TICRR: variants seen among roughly 807,000 people sequenced by gnomAD.
TICRR encodes the protein treslin.
A neutral mutation model predicts 178.1 loss-of-function variants in TICRR; 132 were observed. That is an observed-to-expected ratio of 0.74 (90% CI 0.64 to 0.86). The LOEUF (loss-of-function observed/expected upper bound fraction) is 0.86. Among genes scored for constraint, TICRR ranks in the 40% least tolerant of loss-of-function variants. The pLI is 0.00. For missense variants in TICRR, 2,587 were observed against 2,334.3 expected (o/e 1.11, Z -2.23); for synonymous variants, 991 against 900.7 (o/e 1.10, Z -1.79).
intron 3 of TICRR, 75 bp from the exon 4 acceptor site, chr15:89,585,633 G>T: frequency 9.9e-7 from 1 of 1,006,126 alleles, no homozygotes; most frequent in Non-Finnish European, 1.5e-6. Flanking sequence ...TGGTTATTCT[G>T]TCTTTTAGTA....
chr15:89,589,207 TG>T (rs1158021656), intron 4 of TICRR, among the ~76,000 whole-genome samples: 2 of 151,982 alleles, frequency 1.3e-5, no homozygotes, highest in East Asian at 3.9e-4. Context: ...TGGAGTGACC[TG>T]GGGGTCTAGG....
At chr15:89,591,151 G>A (rs1400786989) in intron 4 of TICRR, among the ~76,000 whole-genome samples, 2 of 152,194 alleles carry the variant, frequency 1.3e-5, no homozygotes, top group Non-Finnish European at 2.9e-5. Flanking sequence ...GTGAGACGGA[G>A]TCTCGCTCTT....
intron 2 of TICRR, among the ~76,000 whole-genome samples, chr15:89,583,569 TAC>T (rs1439585317): frequency 6.6e-6 from 1 of 152,234 alleles, no homozygotes; most frequent in Non-Finnish European, 1.5e-5. Context: ...ATAATTTCAT[TAC>T]ACAGTCTTTA....
chr15:89,608,903 TG>T lies in TICRR; in HGVS notation c.2824del (p.Val942TrpfsTer4). 1 of 1,611,278 alleles carries T rather than the reference TG, an allele frequency of 6.2e-7. No individual in the cohort carries two copies. Among genetic ancestry groups the T allele is most frequent in the Admixed American group, 1.7e-5 (1 of 59,468 alleles). On this transcript the variant is annotated frameshift_variant, in exon 15 of 22. Transcript: ENST00000268138. LOFTEE classifies it high-confidence loss of function. ...GLPRSHSVSA[V>X]DGLEDKLDNF... is the part of the protein sequence containing the mutation. ...TGCCTAGAAGCCATTCTGTGTCAGC[TG>T]TGGATGGTCTAGAGGATAAACTTGA...
chr15:89,585,715 A>T lies in TICRR; in HGVS notation c.1184A>T (p.Asp395Val), dbSNP rs773964750. ...LTAEELHLVA[D>V]VDPGEGRPPI... ...TTAGGGCTTCTCACGTAGGTTGCTG[A>T]TGTGGACCCTGGTGAAGGCCGGCCC... Residue 395 changes from aspartate (D) to valine (V), a missense_variant, in exon 4 of 22, where the codon GAT becomes GTT. Coordinates refer to ENST00000268138, the MANE Select transcript of TICRR (RefSeq NM_152259.4). 2 of 1,613,758 alleles carry T rather than the reference A, an allele frequency of 1.2e-6. No individual in the cohort carries two copies. The highest frequency in any genetic ancestry group is 2.2e-5 in the South Asian group (2 of 91,062).
At chr15:89,617,823 C>G (rs1018679710) in intron 16 of TICRR, among the ~76,000 whole-genome samples, 1 of 151,852 alleles carries the variant, frequency 6.6e-6, no homozygotes, top group Admixed American at 6.6e-5. Context: ...TCCCAAGTAG[C>G]TGGGACTACA....
chr15:89,611,098 G>A (rs757915272), intron 15 of TICRR, among the ~76,000 whole-genome samples: 1 of 150,422 alleles, frequency 6.6e-6, no homozygotes, highest in Non-Finnish European at 1.5e-5. Flanking sequence ...ATATTTATCT[G>A]TCTAGTTACC....
chr15:89,625,619 T>C lies in TICRR; in HGVS notation c.5309T>C (p.Leu1770Ser). 1 of 1,613,072 alleles carries C rather than the reference T, an allele frequency of 6.2e-7. No individual in the cohort carries two copies. The highest frequency in any genetic ancestry group is 2.2e-5 in the East Asian group (1 of 44,854). Residue 1770 changes from leucine to serine, a missense_variant, in exon 20 of 22, where the codon TTG becomes TCG. Transcript: ENST00000268138. Reference protein sequence around the residue: ...EEASSWGQFGLSSRKRVLLAK... With the variant: ...EEASSWGQFGSSSRKRVLLAK... ...GCCTCTTCCTGGGGACAGTTTGGGT[T>C]GAGTTCCAGGAAGAGAGTCCTGTTG...
At chr15:89,617,653 G>A (rs1963356370) in intron 16 of TICRR, among the ~76,000 whole-genome samples, 1 of 113,888 alleles carries the variant, frequency 8.8e-6, no homozygotes, top group African/African-American at 3.2e-5. Context: ...CTCCAGAGTA[G>A]CTGAACTACA....
intron 8 of TICRR, 58 bp downstream of exon 8, chr15:89,599,533 G>T (rs370841826): frequency 4.5e-6 from 7 of 1,557,448 alleles, no homozygotes; most frequent in East Asian, 2.3e-5. Flanking sequence ...TGGTTGGTTG[G>T]TGGTGGATTT....
rs750006492 is a variant in TICRR, at chr15:89,624,994, G to A, written c.4684G>A (p.Glu1562Lys). 17 of 1,613,974 alleles carry A rather than the reference G, an allele frequency of 1.1e-5. No homozygotes were observed. The Admixed American group carries it at 2.8e-4, about 27-fold the overall frequency. The change falls in exon 20 of 22, where the codon GAG becomes AAG. Residue 1562 changes from glutamate to lysine, a missense_variant. Glu to Lys is a moderately conservative substitution (Grantham distance 56). Coordinates refer to ENST00000268138, the MANE Select transcript of TICRR (RefSeq NM_152259.4). ...TGCCAGCCCACAGACCTATGAGGTT[G>A]AGCTGGAGATGCAAGCTTCTGGCCT... is the stretch of plus-strand genomic sequence containing the variant. ...DSASPQTYEVELEMQASGLPK... is the reference protein window; with the variant it reads ...DSASPQTYEVKLEMQASGLPK...
At position 89,575,711 on chromosome 15, in the gene TICRR, G is replaced by A. The variant is rs1245227123; in HGVS notation, c.125G>A (p.Arg42Lys). ...TYLSCRFGLA[R>K]VHWAFKFFDS... ...CTGAGTTGCCGATTCGGCCTGGCCA[G>A]GGTCCACTGGGCCTTCAAGTTCTTT... Residue 42 changes from arginine to lysine, a missense_variant, in exon 1 of 22, where the codon AGG becomes AAG. Transcript: ENST00000268138. 6.2e-7 allele frequency: 1 copy of A among 1,608,748 alleles called. No homozygotes were observed. Among genetic ancestry groups the A allele is most frequent in the South Asian group, 1.1e-5 (1 of 90,362 alleles).
Position 89,625,590 on chromosome 15 carries a change from G to A in TICRR, c.5280G>A (p.Glu1760=). ...SPPRNSMPKA[E]EASSWGQFGL... is the part of the protein sequence containing the mutation. ...CCAGGAACAGCATGCCTAAGGCCGA[G>A]GAAGCCTCTTCCTGGGGACAGTTTG... is the stretch of plus-strand genomic sequence containing the variant. Residue 1760 remains glutamate (E), a synonymous_variant, in exon 20 of 22, where the codon GAG becomes GAA. Coordinates refer to ENST00000268138, the MANE Select transcript of TICRR (RefSeq NM_152259.4). The A allele has an allele frequency of 6.2e-7, 1 of 1,613,040 alleles. No individual in the cohort carries two copies. Among genetic ancestry groups the A allele is most frequent in the East Asian group, 2.2e-5 (1 of 44,858 alleles).
rs775505329 is a variant in TICRR at position 89,619,801 on chromosome 15, G to A, written c.3113G>A (p.Arg1038Gln). Residue 1038 changes from arginine (R) to glutamine (Q), a missense_variant, in exon 18 of 22, where the codon CGA (arginine) becomes CAA (glutamine). Coordinates refer to ENST00000268138, the MANE Select transcript of TICRR (RefSeq NM_152259.4). ...TATTCTGTGTCTCAGCCGAAGTCTC[G>A]AAGTGTGCAAAGAGTCCACTCTTTC... ...SFYSVSQPKS[R>Q]SVQRVHSFQQ... 34 of 1,613,878 alleles carry A rather than the reference G, an allele frequency of 2.1e-5. No homozygotes were observed. The highest frequency in any genetic ancestry group is 8.3e-5 in the Admixed American group (5 of 59,928).
At chr15:89,612,978 TAAA>T (rs1002143349) in intron 15 of TICRR, among the ~76,000 whole-genome samples, 4 of 152,164 alleles carry the variant, frequency 2.6e-5, no homozygotes, top group African/African-American at 9.7e-5. Context: ...CAGTTACAAA[TAAA>T]AAACACTTTT....
At chr15:89,617,289 C>T (rs1012969876) in intron 16 of TICRR, among the ~76,000 whole-genome samples, 5 of 151,968 alleles carry the variant, frequency 3.3e-5, no homozygotes, top group African/African-American at 1.2e-4. Context: ...GGTTAAATTG[C>T]GAAAAGTGAA....
intron 17 of TICRR, among the ~76,000 whole-genome samples, chr15:89,618,502 T>C (rs1158795014): frequency 6.6e-6 from 1 of 152,244 alleles, no homozygotes; most frequent in Non-Finnish European, 1.5e-5. Context: ...ATAACTTTGT[T>C]GGAGCTTTTC....
chr15:89,607,230 C>T (rs998349562), intron 14 of TICRR, among the ~76,000 whole-genome samples: 2 of 151,888 alleles, frequency 1.3e-5, no homozygotes, highest in Non-Finnish European at 2.9e-5. Context: ...TTTGAAGAAG[C>T]GGTGTATGCT....
intron 15 of TICRR, among the ~76,000 whole-genome samples, chr15:89,615,530 G>A (rs1179657853): frequency 6.6e-6 from 1 of 152,164 alleles, no homozygotes; most frequent in Non-Finnish European, 1.5e-5. Context: ...TTTAATTAAT[G>A]TTCAGAGTTC....
Sources: allele counts gnomAD v4.1 joint callset (sites outside exome capture counted in the v4.1 genomes callset), GRCh38; gene constraint gnomAD v4.1.1; transcripts MANE v1.5; gene names NCBI Gene and HGNC (gene_info 2026-07-23, HGNC 2026-07-21).